Variants in DPY19L4 observed in about 807,000 individuals in gnomAD.
DPY19L4 encodes dpy-19 like 4, also known as probable C-mannosyltransferase DPY19L4.
In DPY19L4, 97 loss-of-function variants were observed where a neutral mutation model predicts 102.8. The observed-to-expected ratio is 0.94, with a 90% CI of 0.80 to 1.12. DPY19L4 has a LOEUF of 1.12. Ranked by LOEUF, DPY19L4 falls within the 50% of genes most tolerant of loss-of-function variation. The pLI is 0.00. For synonymous variants in DPY19L4, 252 were observed against 283.1 expected (o/e 0.89, Z 1.10); for missense variants, 815 against 850.4 (o/e 0.96, Z 0.52).
chr8:94,789,275 ACTT>A (rs1198689475), intron 18 of DPY19L4, among the ~76,000 whole-genome samples: 1 of 152,188 alleles, frequency 6.6e-6, no homozygotes, highest in African/African-American at 2.4e-5. Flanking sequence ...TTTTATAAAA[ACTT>A]CTTCAAGCTA....
chr8:94,766,107 G>A (rs1812660469), intron 10 of DPY19L4, among the ~76,000 whole-genome samples: 1 of 152,154 alleles, frequency 6.6e-6, no homozygotes, highest in Non-Finnish European at 1.5e-5. Flanking sequence ...TAGAAGAGTG[G>A]GTGAGTTACT....
intron 14 of DPY19L4, among the ~76,000 whole-genome samples, chr8:94,778,670 T>C (rs1813294772): frequency 1.3e-5 from 2 of 151,822 alleles, no homozygotes; most frequent in South Asian, 4.1e-4. Flanking sequence ...TCTTTTTCTT[T>C]CTTTTTTTTT....
At chr8:94,727,039 TA>T (rs1394896600) in intron 2 of DPY19L4, among the ~76,000 whole-genome samples, 12 of 152,230 alleles carry the variant, frequency 7.9e-5, no homozygotes, top group African/African-American at 2.9e-4. Flanking sequence ...GTCACAGCCT[TA>T]ATCTTGAACC....
intron 3 of DPY19L4, among the ~76,000 whole-genome samples, chr8:94,738,148 C>A (rs1436352286): frequency 6.6e-6 from 1 of 151,142 alleles, no homozygotes; most frequent in Admixed American, 6.6e-5. Context: ...GAAACCCCAT[C>A]TCTACTAAAA....
intron 1 of DPY19L4, among the ~76,000 whole-genome samples, chr8:94,721,953 A>G (rs1193829295): frequency 1.3e-5 from 2 of 151,846 alleles, no homozygotes; most frequent in Non-Finnish European, 2.9e-5. Context: ...TACTAAAAAT[A>G]CAAAAATCAG....
At chr8:94,781,059 T>TG (rs1482304583) in intron 15 of DPY19L4, 25 bp from the exon 16 acceptor site, 1 of 1,353,508 alleles carries the variant, frequency 7.4e-7, no homozygotes, top group Non-Finnish European at 9.9e-7. Context: ...TTTGGGGATT[T>TG]TTTTTTTTTT....
chr8:94,786,553 C>T lies in DPY19L4; in HGVS notation c.1849-1341C>T, dbSNP rs145896368. On this transcript the variant is annotated intron_variant, in intron 17 of 18. Coordinates refer to ENST00000414645, the MANE Select transcript of DPY19L4 (RefSeq NM_181787.3). ...AGCAATGATGAACTGAACCTAAGTTCCCAATATTCTGTTTTTCAATTTTAG... is the reference window on the plus strand; with the variant it reads ...AGCAATGATGAACTGAACCTAAGTTTCCAATATTCTGTTTTTCAATTTTAG... Among the ~76,000 whole-genome samples the T allele has an allele frequency of 6.9e-4, 104 of 151,364 alleles. 1 individual carries two copies. The East Asian group carries it at 0.013, about 19-fold the overall frequency.
intron 6 of DPY19L4, among the ~76,000 whole-genome samples, chr8:94,755,703 G>A (rs1197025925): frequency 1.3e-5 from 2 of 152,006 alleles, no homozygotes; most frequent in Non-Finnish European, 2.9e-5. Context: ...GAGACAACAC[G>A]GTGAAACCCT....
At chr8:94,729,748 T>C (rs1810859300) in intron 2 of DPY19L4, among the ~76,000 whole-genome samples, 1 of 151,552 alleles carries the variant, frequency 6.6e-6, no homozygotes, top group Non-Finnish European at 1.5e-5. Flanking sequence ...GGAGGATTGC[T>C]TAAGCCTGAG....
In DPY19L4 at chr8:94,739,495, A is replaced by G; in HGVS notation, c.426A>G (p.Glu142=). 1 of 1,607,994 alleles carries G rather than the reference A, an allele frequency of 6.2e-7. No homozygotes were observed. The highest frequency in any genetic ancestry group is 8.5e-7 in the Non-Finnish European group (1 of 1,178,532). The change falls in exon 5 of 19, where the codon GAA becomes GAG. Residue 142 remains glutamate (E), a synonymous_variant. Coordinates refer to ENST00000414645, the MANE Select transcript of DPY19L4 (RefSeq NM_181787.3). ...TGCAGCAAATGTCTCTGTATCCGGAACTTATTGCTAGCATTTTATATCAAG... is the reference window on the plus strand; with the variant it reads ...TGCAGCAAATGTCTCTGTATCCGGAGCTTATTGCTAGCATTTTATATCAAG... ...NAVQQMSLYP[E]LIASILYQAT...
At chr8:94,772,003 A>G (rs972467361) in intron 13 of DPY19L4, among the ~76,000 whole-genome samples, 5 of 152,152 alleles carry the variant, frequency 3.3e-5, no homozygotes, top group Non-Finnish European at 5.9e-5. Flanking sequence ...ACATGTTAAT[A>G]TTTAGATAAG....
chr8:94,741,423 T>G (rs186773211), intron 6 of DPY19L4, among the ~76,000 whole-genome samples: 59 of 152,334 alleles, frequency 3.9e-4, no homozygotes, highest in Admixed American at 6.5e-4. Context: ...ATTAGCTACA[T>G]TCTTCATTCT....
intron 7 of DPY19L4, among the ~76,000 whole-genome samples, chr8:94,758,715 C>G (rs572502615): frequency 4.0e-5 from 6 of 151,826 alleles, no homozygotes; most frequent in Non-Finnish European, 2.9e-5. Flanking sequence ...TCCTTGTCAT[C>G]GCTGAGTAGT....
intron 8 of DPY19L4, among the ~76,000 whole-genome samples, chr8:94,762,394 C>T (rs1245044835): frequency 6.6e-6 from 1 of 152,108 alleles, no homozygotes; most frequent in Non-Finnish European, 1.5e-5. Flanking sequence ...ACCCTCAAGC[C>T]ATCAGGAAGC....
At position 94,793,375 on chromosome 8, in the gene DPY19L4, G is replaced by A. The variant is rs1165323078; in HGVS notation, c.*3465G>A. On this transcript the variant is annotated 3_prime_UTR_variant, in exon 19 of 19. Coordinates refer to ENST00000414645, the MANE Select transcript of DPY19L4 (RefSeq NM_181787.3). ...TTAAAAAATTTTGATGCTTTTCGTG[G>A]ATAAAAGTAGTGCCTCTCTTTATAC... The A allele has an allele frequency of 6.6e-6, 1 of 152,140 alleles. No individual in the cohort carries two copies. The highest frequency in any genetic ancestry group is 6.5e-5 in the Admixed American group (1 of 15,272). The allele number at this position is 152,140 out of a possible 1,614,324, so 9.4% of individuals were successfully genotyped here.
intron 6 of DPY19L4, chr8:94,744,780 C>T (rs142693506): frequency 1.8e-4 from 60 of 338,980 alleles, no homozygotes; most frequent in African/African-American, 1.2e-3. Context: ...GTCTGACTGC[C>T]TTATTTGATG....
chr8:94,726,501 AT>A, intron 2 of DPY19L4, 60 bp downstream of exon 2: 2 of 1,310,544 alleles, frequency 1.5e-6, no homozygotes, highest in Non-Finnish European at 2.1e-6. Flanking sequence ...TAGAAAGTAT[AT>A]TTTATGTCAA....
intron 6 of DPY19L4, among the ~76,000 whole-genome samples, chr8:94,747,660 G>A (rs546159481): frequency 2.0e-4 from 29 of 148,346 alleles, no homozygotes; most frequent in Admixed American, 5.6e-4. Context: ...CCGGGTTCAC[G>A]CCATTCTTCT....
chr8:94,755,310 TA>T (rs1812110143), intron 6 of DPY19L4, among the ~76,000 whole-genome samples: 1 of 152,092 alleles, frequency 6.6e-6, no homozygotes, highest in Non-Finnish European at 1.5e-5. Flanking sequence ...TAAAGGGGAA[TA>T]AGAACTTTGG....
Sources: allele counts gnomAD v4.1 joint callset (sites outside exome capture counted in the v4.1 genomes callset), GRCh38; gene constraint gnomAD v4.1.1; transcripts MANE v1.5; gene names NCBI Gene and HGNC (gene_info 2026-07-23, HGNC 2026-07-21).